ZNF592: variants seen among roughly 807,000 people sequenced by gnomAD.
ZNF592 encodes zinc finger protein 592.
ZNF592 carries 11 observed loss-of-function variants against 80.3 expected under a neutral mutation model. The ratio of observed to expected loss-of-function variants is 0.14; its 90% CI spans 0.09 to 0.23. ZNF592 has a LOEUF of 0.23. Among genes scored for constraint, ZNF592 ranks in the 10% least tolerant of loss-of-function variants. The probability of loss-of-function intolerance (pLI) is 1.00; values close to 1 mark genes in which losing one functional copy is unlikely to be tolerated. For missense variants in ZNF592, 1,420 were observed against 1,633.9 expected (o/e 0.87, Z 2.26); for synonymous variants, 646 against 640.3 (o/e 1.01, Z -0.13).
At position 84,783,685 on chromosome 15, in the gene ZNF592, A is replaced by C; in HGVS notation, c.1010A>C (p.Glu337Ala). 1 of 1,614,226 alleles carries C rather than the reference A, an allele frequency of 6.2e-7. No homozygotes were observed. The highest frequency in any genetic ancestry group is 8.5e-7 in the Non-Finnish European group (1 of 1,180,032). Residue 337 changes from glutamate to alanine, a missense_variant, in exon 4 of 11, where the codon GAG becomes GCG. Coordinates refer to ENST00000560079, the MANE Select transcript of ZNF592 (RefSeq NM_014630.3). This position sits in a 1 kb window ranked among gnomAD's most constrained non-coding sequence, Gnocchi z 5.0. ...CCAAAGAGTCCCCGGAGCCCTCTGG[A>C]GGCCACTAGAAAAAGTATCAAGCCA... ...KSPKSPRSPL[E>A]ATRKSIKPSD...
In ZNF592 at chr15:84,798,543, C is replaced by T. The variant is rs572934676; in HGVS notation, c.2737-45C>T. On this transcript the variant is annotated intron_variant, in intron 7 of 10. Coordinates refer to ENST00000560079, the MANE Select transcript of ZNF592 (RefSeq NM_014630.3). The surrounding 1 kb of genome is among the most constrained non-coding windows in gnomAD (Gnocchi z 4.5). ...CTCAGGCTGGGGGTCTGACTCTGTG[C>T]ATCTTTCCCCTTGCCCAGTCAGTAA... 6.8e-6 allele frequency: 11 copies of T among 1,613,932 alleles called. No homozygotes were observed. Among genetic ancestry groups the T allele is most frequent in the Non-Finnish European group, 9.3e-6 (11 of 1,179,946 alleles).
intron 3 of ZNF592, among the ~76,000 whole-genome samples, chr15:84,778,605 T>C (rs969184170): frequency 2.6e-5 from 4 of 152,234 alleles, no homozygotes; most frequent in Admixed American, 2.6e-4. Flanking sequence ...GGCCTGGCTC[T>C]AAGAGCCGGG....
At position 84,803,483 on chromosome 15, in the gene ZNF592, G is replaced by A. The variant is rs540525780; in HGVS notation, c.*1090G>A. On this transcript the variant is annotated 3_prime_UTR_variant, in exon 11 of 11. Transcript: ENST00000560079. ...GAAACCGGGAGCCCTGTACTACTTAGTTCTCTAGAGACCTTCTGAAGGGGT... is the reference window on the plus strand; with the variant it reads ...GAAACCGGGAGCCCTGTACTACTTAATTCTCTAGAGACCTTCTGAAGGGGT... 2.0e-5 allele frequency: 3 copies of A among 152,440 alleles called. No individual in the cohort carries two copies. Among genetic ancestry groups the A allele is most frequent in the Admixed American group, 2.0e-4 (3 of 15,266 alleles). 9.4% of individuals were successfully genotyped at this position (152,440 alleles called of 1,614,324 possible).
rs77693154 is a variant in ZNF592 at position 84,779,292 on chromosome 15, C to T, written c.-20+980C>T. Among the ~76,000 whole-genome samples the T allele has an allele frequency of 3.4e-4, 52 of 152,100 alleles. No individual in the cohort carries two copies. The East Asian group carries it at 4.6e-3, about 14-fold the overall frequency. ...ACAGTTTCTTCTTTTGCTTTTATAA[C>T]GGTACATTTTGATTAATTTCTATTT... is the stretch of plus-strand genomic sequence containing the variant. On this transcript the variant is annotated intron_variant, in intron 3 of 10. Transcript: ENST00000560079.
intron 2 of ZNF592, among the ~76,000 whole-genome samples, chr15:84,766,685 G>C (rs1323398370): frequency 6.7e-6 from 1 of 148,806 alleles, no homozygotes; most frequent in Non-Finnish European, 1.5e-5. Flanking sequence ...GGAAGGAATA[G>C]AGGGAGAGAG....
rs147530309 is a variant in ZNF592 at position 84,802,302 on chromosome 15, C to T, written c.3713C>T (p.Pro1238Leu). The change falls in exon 11 of 11, where the codon CCG (proline) becomes CTG (leucine). Residue 1238 changes from proline to leucine, a missense_variant. By Grantham distance (98) the Pro-to-Leu change is moderately conservative. Transcript: ENST00000560079. ...CCAGAGGCGAGGAGATTGCTGGGCC[C>T]GGCCCCTGAGGACGATGGTGGCCAC... Reference protein sequence around the residue: ...ADPEARRLLGPAPEDDGGHND... With the variant: ...ADPEARRLLGLAPEDDGGHND... The T allele has an allele frequency of 1.6e-4, 266 of 1,613,438 alleles. No homozygotes were observed. In the African/African-American group the frequency reaches 1.9e-3, roughly 11 times the overall value.
At chr15:84,751,208 C>A (rs1023971300) in intron 1 of ZNF592, among the ~76,000 whole-genome samples, 1 of 152,224 alleles carries the variant, frequency 6.6e-6, no homozygotes, top group South Asian at 2.1e-4. Context: ...ATTTTAAAGA[C>A]TTCTGCATAC....
chr15:84,801,761 G>T lies in ZNF592; in HGVS notation c.3274-102G>T, dbSNP rs1963101236. On this transcript the variant is annotated intron_variant, in intron 10 of 10. Transcript: ENST00000560079. ...AGCGTTCAGGGCTGGGGTGACCCTG[G>T]CCTGGGTGGTGCTTTCTTTGAGTCC... 1.9e-6 allele frequency: 3 copies of T among 1,575,108 alleles called. No homozygotes were observed. The East Asian group carries it at 6.7e-5, about 35-fold the overall frequency.
intron 10 of ZNF592, 45 bp from the exon 11 acceptor site, chr15:84,801,818 T>A: frequency 1.9e-6 from 3 of 1,613,904 alleles, no homozygotes; most frequent in Non-Finnish European, 2.5e-6. Flanking sequence ...GGGGCTCATG[T>A]CCAGGGCTTG....
chr15:84,785,140 C>T (rs1341523043), intron 4 of ZNF592, among the ~76,000 whole-genome samples: 1 of 152,156 alleles, frequency 6.6e-6, no homozygotes, highest in Non-Finnish European at 1.5e-5. Flanking sequence ...CTCAACTTCC[C>T]CTCAAAGGGT....
intron 4 of ZNF592, among the ~76,000 whole-genome samples, chr15:84,790,183 C>T (rs568919753): frequency 6.7e-6 from 1 of 149,628 alleles, no homozygotes; most frequent in South Asian, 2.1e-4. Flanking sequence ...CTCAGTCAGT[C>T]TTTATTGAGA....
In ZNF592 at chr15:84,784,929, C is replaced by A. The variant is rs112063581; in HGVS notation, c.2220+34C>A. On this transcript the variant is annotated intron_variant, in intron 4 of 10. Transcript: ENST00000560079. The surrounding 1 kb of genome is among the most constrained non-coding windows in gnomAD (Gnocchi z 5.8). ...ACCCTCACTGTTACGGGTATCGGGC[C>A]CCTGGCTCACACAGGTTCCATGACT... 17 of 1,612,986 alleles carry A rather than the reference C, an allele frequency of 1.1e-5. No homozygotes were observed. Among genetic ancestry groups the A allele is most frequent in the African/African-American group, 2.7e-5 (2 of 75,002 alleles).
chr15:84,800,241 T>C (rs1003004283), intron 10 of ZNF592, among the ~76,000 whole-genome samples: 3 of 152,202 alleles, frequency 2.0e-5, no homozygotes, highest in African/African-American at 2.4e-5. Context: ...TGTGCTGTGC[T>C]CTGTGGACAT....
rs537473241 is a variant in ZNF592 at position 84,783,594 on chromosome 15, C to A, written c.919C>A (p.His307Asn). Residue 307 changes from histidine (H) to asparagine (N), a missense_variant, in exon 4 of 11, where the codon CAC (histidine) becomes AAC (asparagine). By Grantham distance (68) the His-to-Asn change is moderately conservative. Around this residue, in one of 7 missense-constraint regions of ZNF592, gnomAD observed 373 missense variants for 355.5 expected, o/e 1.05. Transcript: ENST00000560079. This position sits in a 1 kb window ranked among gnomAD's most constrained non-coding sequence, Gnocchi z 5.0. ...TGTCACTAAGGAGGATCAGCCTGGC[C>A]ACACAAAGGATCTCTCAGGGCCCAC... Reference protein sequence around the residue: ...ASVTKEDQPGHTKDLSGPTKE... With the variant: ...ASVTKEDQPGNTKDLSGPTKE... The A allele has an allele frequency of 6.2e-7, 1 of 1,614,216 alleles. No homozygotes were observed. The highest frequency in any genetic ancestry group is 2.2e-5 in the East Asian group (1 of 44,878).
At position 84,799,960 on chromosome 15, in the gene ZNF592, G is replaced by A. The variant is rs1025796481; in HGVS notation, c.3256G>A (p.Gly1086Ser). ...CCAGACGTCCAAAGTGAAACCTCCG[G>A]GTGGACATTCCCCTCAGGTGAGTGT... is the stretch of plus-strand genomic sequence containing the variant. ...LSQTSKVKPPGGHSPQVNHLK... is the reference protein window; with the variant it reads ...LSQTSKVKPPSGHSPQVNHLK... Residue 1086 changes from glycine (G) to serine (S), a missense_variant, in exon 10 of 11, where the codon GGT becomes AGT. Around this residue, in one of 7 missense-constraint regions of ZNF592, gnomAD observed 331 missense variants for 347.0 expected, o/e 0.95. Transcript: ENST00000560079. The surrounding 1 kb of genome is among the most constrained non-coding windows in gnomAD (Gnocchi z 4.2). 3.7e-6 allele frequency: 6 copies of A among 1,614,218 alleles called. No individual in the cohort carries two copies. The Admixed American group carries it at 8.3e-5, about 22-fold the overall frequency.
intron 5 of ZNF592, among the ~76,000 whole-genome samples, chr15:84,796,242 ATAT>A (rs1962904785): frequency 1.0e-3 from 22 of 21,426 alleles, no homozygotes; most frequent in African/African-American, 3.9e-3. Flanking sequence ...AAAAAAAAAT[ATAT>A]ATATATATAT....
In ZNF592 at chr15:84,784,844, C is replaced by T. The variant is rs1171431900; in HGVS notation, c.2169C>T (p.Tyr723=). 7.4e-6 allele frequency: 12 copies of T among 1,613,996 alleles called. No individual in the cohort carries two copies. The highest frequency in any genetic ancestry group is 8.5e-6 in the Non-Finnish European group (10 of 1,180,040). The change falls in exon 4 of 11, where the codon TAC becomes TAT. Residue 723 remains tyrosine, a synonymous_variant. Transcript: ENST00000560079. The surrounding 1 kb of genome is among the most constrained non-coding windows in gnomAD (Gnocchi z 5.8). ...AATGTCACAAGCAGATGCGGGACTACATGGTCCTGGCTGCACATTTCCAGA... is the reference window on the plus strand; with the variant it reads ...AATGTCACAAGCAGATGCGGGACTATATGGTCCTGGCTGCACATTTCCAGA... ...CLECHKQMRD[Y]MVLAAHFQRT... is the part of the protein sequence containing the mutation.
chr15:84,752,473 G>C (rs983264687), intron 1 of ZNF592, among the ~76,000 whole-genome samples: 18 of 152,214 alleles, frequency 1.2e-4, no homozygotes, highest in African/African-American at 3.4e-4. Context: ...TTTGGAGGAA[G>C]AGTAGGAGTT....
rs376104089 is a variant in ZNF592 at position 84,790,816 on chromosome 15, C to G, written c.2332C>G (p.Arg778Gly). ...YCCPECGVLC[R>G]SAYFQTHVKE... ...CTGCCCGGAGTGTGGGGTCCTCTGC[C>G]GCTCTGCCTACTTCCAGACCCATGT... Residue 778 changes from arginine to glycine, a missense_variant, in exon 5 of 11, where the codon CGC becomes GGC. Physicochemically the swap from Arg to Gly is moderately radical, Grantham distance 125. Transcript: ENST00000560079. 6 of 1,614,112 alleles carry G rather than the reference C, an allele frequency of 3.7e-6. No individual in the cohort carries two copies. The East Asian group carries it at 1.1e-4, about 30-fold the overall frequency.
Sources: allele counts gnomAD v4.1 joint callset (sites outside exome capture counted in the v4.1 genomes callset), GRCh38; gene constraint gnomAD v4.1.1; regional missense constraint gnomAD v4.1.1; non-coding constraint Gnocchi (gnomAD v3.1); transcripts MANE v1.5; gene names NCBI Gene and HGNC (gene_info 2026-07-23, HGNC 2026-07-21).